Variants in ZNF268 observed in about 807,000 individuals in gnomAD.
ZNF268 encodes the protein zinc finger protein 3.
A neutral mutation model predicts 29.3 loss-of-function variants in ZNF268; 20 were observed. That is an observed-to-expected ratio of 0.68 (90% CI 0.48 to 0.99). The LOEUF is 0.99. Ranked by LOEUF, ZNF268 falls within the 50% of genes least tolerant of loss-of-function variation. The pLI is 0.00. For missense variants in ZNF268, 1,240 were observed against 1,121.6 expected, an observed-to-expected ratio of 1.11 and a Z score of -1.51; for synonymous variants, 429 against 376.9, an observed-to-expected ratio of 1.14 and a Z score of -1.60.
rs765093381 is a variant in ZNF268 at position 133,187,938 on chromosome 12, A to G, written c.100A>G (p.Ile34Val). ...RIRKLQGQES[I>V]LGQGTPGLQP... The stretch of plus-strand genomic sequence containing the variant: ...CAGAAAGCTCCAAGGTCAGGAATCC[A>G]TCTTGGGCCAAGGGACTCCTGGTCT... The change falls in exon 3 of 6, where the codon ATC becomes GTC. Residue 34 changes from isoleucine (I) to valine (V), a missense_variant. By Grantham distance (29) the Ile-to-Val change is conservative. Transcript: ENST00000536435. The G allele has an allele frequency of 6.9e-6, 11 of 1,600,606 alleles. No individual in the cohort carries two copies. Among genetic ancestry groups the G allele is most frequent in the South Asian group, 6.8e-5 (6 of 88,372 alleles).
chr12:133,210,904 A>T lies in ZNF268; in HGVS notation c.*6374A>T. ...CACCCCTTCCTTACTACCTAGGCAC[A>T]GTGTTGGATGGTCAGTGCTTCCTGT... On this transcript the variant is annotated 3_prime_UTR_variant, in exon 6 of 6. Coordinates refer to ENST00000536435, the MANE Select transcript of ZNF268 (RefSeq NM_003415.3). 1 of 456,054 alleles carries T rather than the reference A, an allele frequency of 2.2e-6. No individual in the cohort carries two copies. Among genetic ancestry groups the T allele is most frequent in the South Asian group, 1.5e-5 (1 of 64,562 alleles). 28.3% of individuals were successfully genotyped at this position (456,054 alleles called of 1,614,324 possible). A position where few individuals can be genotyped will look rare whatever the true frequency, so the allele number is the denominator to read the frequency against.
rs1374789654 is a variant in ZNF268, at chr12:133,206,653, A to G, written c.*2123A>G. On this transcript the variant is annotated 3_prime_UTR_variant, in exon 6 of 6. Transcript: ENST00000536435. ...TGAAACACCTTCTGCTTTGTACTCT[A>G]TTAGATACCCAAAGAAATTTTCATC... 1 of 152,198 alleles carries G rather than the reference A, an allele frequency of 6.6e-6. No homozygotes were observed. Among genetic ancestry groups the G allele is most frequent in the Non-Finnish European group, 1.5e-5 (1 of 68,050 alleles). 9.4% of individuals were successfully genotyped at this position (152,198 alleles called of 1,614,324 possible).
Position 133,202,840 on chromosome 12 carries a change from A to T in ZNF268, c.1154A>T (p.Gln385Leu). The T allele has an allele frequency of 1.9e-6, 3 of 1,591,554 alleles. No homozygotes were observed. Among genetic ancestry groups the T allele is most frequent in the Non-Finnish European group, 2.6e-6 (3 of 1,171,478 alleles). ...LVSHQKTHSGQKPYVCNECGK... is the reference protein window; with the variant it reads ...LVSHQKTHSGLKPYVCNECGK... ...TCACACCAGAAAACTCATTCAGGAC[A>T]GAAACCATATGTGTGTAATGAATGT... The change falls in exon 6 of 6, where the codon CAG becomes CTG. Residue 385 changes from glutamine to leucine, a missense_variant. This residue lies in a region of ZNF268 where 1,177 missense variants were observed against 1,039.6 expected (regional missense o/e 1.13). Transcript: ENST00000536435.
At position 133,213,527 on chromosome 12, in the gene ZNF268, TAAAAAAAAAGAGA is replaced by T. The variant is rs1333737183; in HGVS notation, c.*9008_*9020del. 1 of 123,794 alleles carries T rather than the reference TAAAAAAAAAGAGA, an allele frequency of 8.1e-6. No individual in the cohort carries two copies. The highest frequency in any genetic ancestry group is 1.7e-5 in the Non-Finnish European group (1 of 58,300). The allele number at this position is 123,794 out of a possible 1,614,324, so 7.7% of individuals were successfully genotyped here. Reference sequence around the variant, plus strand: ...GGTGAAACCACGTCTCTACTAAAAATAAAAAAAAAGAGAAAAAAAAAAGCCGGGTGTGGTGGCA... The same window carrying T: ...GGTGAAACCACGTCTCTACTAAAAATAAAAAAAAAGCCGGGTGTGGTGGCA... On this transcript the variant is annotated 3_prime_UTR_variant, in exon 6 of 6. Coordinates refer to ENST00000536435, the MANE Select transcript of ZNF268 (RefSeq NM_003415.3).
At position 133,204,208 on chromosome 12, in the gene ZNF268, G is replaced by A; in HGVS notation, c.2522G>A (p.Cys841Tyr). ...GTCAACCCTTATAAATGCAGTCAAT[G>A]TGAGAAATCCTTCAGTGGGAAATTA... ...AGVNPYKCSQ[C>Y]EKSFSGKLRL... Residue 841 changes from cysteine to tyrosine, a missense_variant, in exon 6 of 6, where the codon TGT becomes TAT. Physicochemically the swap from Cys to Tyr is radical, Grantham distance 194. Coordinates refer to ENST00000536435, the MANE Select transcript of ZNF268 (RefSeq NM_003415.3). 1.3e-6 allele frequency: 2 copies of A among 1,540,772 alleles called. No individual in the cohort carries two copies. The highest frequency in any genetic ancestry group is 1.7e-6 in the Non-Finnish European group (2 of 1,147,404).
chr12:133,184,640 A>T, intron 2 of ZNF268: 1 of 403,912 alleles, frequency 2.5e-6, no homozygotes, highest in Non-Finnish European at 5.1e-6. Context: ...TTTTTTTGAG[A>T]CTGAGTCTCG....
rs902125413 is a variant in ZNF268 at position 133,202,944 on chromosome 12, G to A, written c.1258G>A (p.Glu420Lys). ...HTGEKPYECN[E>K]CQKAFNTKSN... ...AGGAGAGAAACCATATGAATGCAAT[G>A]AATGTCAGAAAGCCTTTAATACAAA... Residue 420 changes from glutamate (E) to lysine (K), a missense_variant, in exon 6 of 6, where the codon GAA becomes AAA. This residue lies in a region of ZNF268 where 1,177 missense variants were observed against 1,039.6 expected (regional missense o/e 1.13). Coordinates refer to ENST00000536435, the MANE Select transcript of ZNF268 (RefSeq NM_003415.3). 1.9e-6 allele frequency: 3 copies of A among 1,545,068 alleles called. No individual in the cohort carries two copies. Among genetic ancestry groups the A allele is most frequent in the African/African-American group, 1.4e-5 (1 of 73,230 alleles).
intron 1 of ZNF268, 43 bp from the exon 2 acceptor site, chr12:133,181,903 G>A: frequency 2.9e-6 from 4 of 1,396,094 alleles, no homozygotes; most frequent in Non-Finnish European, 4.0e-6. Context: ...TGGGTTTGGG[G>A]ACTGCTGGGT....
At chr12:133,196,616 C>CA (rs1372268615) in intron 5 of ZNF268, among the ~76,000 whole-genome samples, 2 of 151,936 alleles carry the variant, frequency 1.3e-5, no homozygotes, top group African/African-American at 4.8e-5. Flanking sequence ...GAAAGTCTAC[C>CA]AAAAAAATAG....
rs760193835 is a variant in ZNF268, at chr12:133,191,861, A to C, written c.362-47A>C. The C allele has an allele frequency of 5.0e-6, 8 of 1,592,446 alleles. No individual in the cohort carries two copies. In the East Asian group the frequency reaches 1.8e-4, roughly 36 times the overall value. ...CTTTCCCGTTCTTCAGAATCTCTGA[A>C]TCTCAAGCTGTTTGTTCCAGGTTGT... On this transcript the variant is annotated intron_variant, in intron 4 of 5. Transcript: ENST00000536435.
In ZNF268 at chr12:133,203,332, T is replaced by G; in HGVS notation, c.1646T>G (p.Ile549Ser). Residue 549 changes from isoleucine to serine, a missense_variant, in exon 6 of 6, where the codon ATT becomes AGT. This residue lies in a region of ZNF268 where 1,177 missense variants were observed against 1,039.6 expected (regional missense o/e 1.13). Transcript: ENST00000536435. ...TCACAGCTCATTATACATCAGAGGATTCATACAGGAGAGAACCCCTATGAA... is the reference window on the plus strand; with the variant it reads ...TCACAGCTCATTATACATCAGAGGAGTCATACAGGAGAGAACCCCTATGAA... ...FKSQLIIHQR[I>S]HTGENPYECH... is the part of the protein sequence containing the mutation. The G allele has an allele frequency of 6.5e-7, 1 of 1,545,892 alleles. No individual in the cohort carries two copies. The highest frequency in any genetic ancestry group is 8.7e-7 in the Non-Finnish European group (1 of 1,150,146).
intron 5 of ZNF268, among the ~76,000 whole-genome samples, chr12:133,195,787 G>A (rs1034744383): frequency 5.3e-5 from 8 of 151,524 alleles, no homozygotes; most frequent in Admixed American, 2.6e-4. Flanking sequence ...GTGCGATCTC[G>A]ACTCACTGCA....
Position 133,200,950 on chromosome 12 carries a change from C to G in ZNF268, c.458-1194C>G, listed in dbSNP as rs545156139. Among the ~76,000 whole-genome samples the G allele has an allele frequency of 1.6e-4, 24 of 152,212 alleles. No individual in the cohort carries two copies. The South Asian group carries it at 5.0e-3, about 31-fold the overall frequency. ...ATACACACTCATGATGGAGACATGT[C>G]TCTTCTCATGTTCCCATGCCTCCAT... On this transcript the variant is annotated intron_variant, in intron 5 of 5. Transcript: ENST00000536435.
At chr12:133,186,850 T>A (rs1173151629) in intron 2 of ZNF268, among the ~76,000 whole-genome samples, 1 of 152,214 alleles carries the variant, frequency 6.6e-6, no homozygotes, top group Non-Finnish European at 1.5e-5. Context: ...TATGATCCCA[T>A]TTATATGGCA....
chr12:133,184,499 A>C (rs1318129017), intron 2 of ZNF268, among the ~76,000 whole-genome samples: 2 of 152,206 alleles, frequency 1.3e-5, no homozygotes. Flanking sequence ...ACATGGCCAA[A>C]GAGATGAAAG....
chr12:133,181,832 A>C, intron 1 of ZNF268, 114 bp from the exon 2 acceptor site: 1 of 683,202 alleles, frequency 1.5e-6, no homozygotes, highest in Admixed American at 2.4e-5. Context: ...GTGCTGTGGG[A>C]GGGAAGGAGC....
At position 133,210,883 on chromosome 12, in the gene ZNF268, C is replaced by G. The variant is rs1452641707; in HGVS notation, c.*6353C>G. 1 of 456,056 alleles carries G rather than the reference C, an allele frequency of 2.2e-6. No individual in the cohort carries two copies. Among genetic ancestry groups the G allele is most frequent in the Non-Finnish European group, 4.4e-6 (1 of 226,796 alleles). The allele number at this position is 456,056 out of a possible 1,614,324, so 28.3% of individuals were successfully genotyped here. A position where few individuals can be genotyped will look rare whatever the true frequency, so the allele number is the denominator to read the frequency against. On this transcript the variant is annotated 3_prime_UTR_variant, in exon 6 of 6. Transcript: ENST00000536435. ...GCTAGACAAGGTGTGTGCTTGCACC[C>G]CTTCCTTACTACCTAGGCACAGTGT... is the stretch of plus-strand genomic sequence containing the variant.
Position 133,204,184 on chromosome 12 carries a change from T to C in ZNF268, c.2498T>C (p.Val833Ala), listed in dbSNP as rs778359112. 1.3e-5 allele frequency: 20 copies of C among 1,539,540 alleles called. No homozygotes were observed. The highest frequency in any genetic ancestry group is 1.7e-5 in the Non-Finnish European group (20 of 1,146,958). ...LIVHERTHAG[V>A]NPYKCSQCEK... ...GTACATGAGCGAACTCATGCAGGGG[T>C]CAACCCTTATAAATGCAGTCAATGT... Residue 833 changes from valine to alanine, a missense_variant, in exon 6 of 6, where the codon GTC becomes GCC. Val to Ala is a moderately conservative substitution (Grantham distance 64). Coordinates refer to ENST00000536435, the MANE Select transcript of ZNF268 (RefSeq NM_003415.3).
chr12:133,203,151 G>A lies in ZNF268; in HGVS notation c.1465G>A (p.Val489Ile). ...ATTCAGTTTGAAATCACAGCTCATT[G>A]TACATCAGAGAAGTCACACAGGAAT... The part of the protein sequence containing the change: ...KGFSLKSQLI[V>I]HQRSHTGMKP... Residue 489 changes from valine to isoleucine, a missense_variant, in exon 6 of 6, where the codon GTA becomes ATA. Transcript: ENST00000536435. 2.0e-6 allele frequency: 3 copies of A among 1,537,556 alleles called. No individual in the cohort carries two copies. Among genetic ancestry groups the A allele is most frequent in the Non-Finnish European group, 2.6e-6 (3 of 1,146,788 alleles).
Sources: gnomAD v4.1 joint callset for allele counts (sites outside exome capture counted in the v4.1 genomes callset) on GRCh38, gnomAD v4.1.1 for gene constraint, gnomAD v4.1.1 regional missense constraint, MANE v1.5 for transcripts, NCBI Gene and HGNC (gene_info 2026-07-23, HGNC 2026-07-21) for gene names.